NCOR2: variants seen among roughly 807,000 people sequenced by gnomAD.
The protein encoded by NCOR2 is nuclear receptor corepressor 2, also known as CTG repeat protein 26.
NCOR2 carries 81 observed loss-of-function variants against 262.9 expected under a neutral mutation model. The ratio of observed to expected loss-of-function variants is 0.31; its 90% CI spans 0.26 to 0.37. NCOR2 has a LOEUF of 0.37. NCOR2 is among the 10% of genes least tolerant of loss of function. The pLI is 1.00. For missense variants in NCOR2, 3,385 were observed against 3,621.4 expected (o/e 0.93, Z 1.68); for synonymous variants, 1,659 against 1,559.3 (o/e 1.06, Z -1.51).
intron 40 of NCOR2, chr12:124,334,866 C>T: frequency 3.2e-6 from 2 of 615,884 alleles, no homozygotes; most frequent in Non-Finnish European, 5.7e-6. Flanking sequence ...ACTGAGAAAC[C>T]TGGGCCACCA....
chr12:124,477,805 C>T (rs2047187017), intron 3 of NCOR2, among the ~76,000 whole-genome samples: 1 of 151,412 alleles, frequency 6.6e-6, no homozygotes, highest in Non-Finnish European at 1.5e-5. Flanking sequence ...CAAACTAATA[C>T]ACCCCGCACA....
At chr12:124,478,812 G>C (rs2047241548) in intron 3 of NCOR2, among the ~76,000 whole-genome samples, 1 of 152,058 alleles carries the variant, frequency 6.6e-6, no homozygotes, top group Non-Finnish European at 1.5e-5. Flanking sequence ...CGTGGTGACA[G>C]ACACACACAA....
intron 21 of NCOR2, among the ~76,000 whole-genome samples, chr12:124,362,616 G>A (rs2038686282): frequency 6.6e-6 from 1 of 151,940 alleles, no homozygotes. Context: ...GTGATGGACA[G>A]GGGGAGCCCA....
At chr12:124,564,418 A>T (rs1283471241) in intron 1 of NCOR2, among the ~76,000 whole-genome samples, 6 of 152,156 alleles carry the variant, frequency 3.9e-5, no homozygotes, top group Non-Finnish European at 7.4e-5. Flanking sequence ...CCCCAGTCTC[A>T]AAAGTGTCAC....
chr12:124,517,166 G>C lies in NCOR2; in HGVS notation c.-118+18399C>G, dbSNP rs1003654471. On this transcript the variant is annotated intron_variant, in intron 1 of 46. Transcript: ENST00000404621. This position sits in a 1 kb window ranked among gnomAD's most constrained non-coding sequence, Gnocchi z 7.6. ...GAGGTCTGCAAAGGGGAGGCAACAC[G>C]CCCAAGGTCACACAGCATAGAGAGG... Among the ~76,000 whole-genome samples, 2 of 152,108 alleles carry C rather than the reference G, an allele frequency of 1.3e-5. No individual in the cohort carries two copies. Among genetic ancestry groups the C allele is most frequent in the African/African-American group, 4.8e-5 (2 of 41,412 alleles).
exon 47 of NCOR2, chr12:124,325,388 C>CCG (rs1555297214): frequency 7.1e-5 from 49 of 693,294 alleles, no homozygotes; most frequent in Non-Finnish European, 8.8e-5. Flanking sequence ...CCCCCCCCCC[C>CCG]GCCCTGTTCT....
intron 37 of NCOR2, 102 bp downstream of exon 39, chr12:124,339,904 C>CCCCCCCCATAT: frequency 2.7e-5 from 21 of 776,818 alleles, no homozygotes; most frequent in Middle Eastern, 4.0e-4. Context: ...CCCACCCACC[C>CCCCCCCCATAT]ACCTCCCATA....
intron 1 of NCOR2, among the ~76,000 whole-genome samples, chr12:124,491,119 C>T (rs2048059983): frequency 6.6e-6 from 1 of 152,192 alleles, no homozygotes; most frequent in Non-Finnish European, 1.5e-5. Context: ...CCATACGGGC[C>T]GCGAAGGGCG....
exon 10 of NCOR2, chr12:124,429,636 T>C (rs1329209107): frequency 1.2e-6 from 2 of 1,608,700 alleles, no homozygotes; most frequent in Non-Finnish European, 1.7e-6. Flanking sequence ...AGGCCATCGA[T>C]GATCTCTGAC....
chr12:124,491,155 T>C (rs2048062692), intron 1 of NCOR2, among the ~76,000 whole-genome samples: 1 of 98,082 alleles, frequency 1.0e-5, no homozygotes, highest in South Asian at 4.2e-4. Flanking sequence ...AAGCCTGAAA[T>C]ATTTACAGAG....
chr12:124,404,587 CCAT>C (rs1218248552), intron 13 of NCOR2, among the ~76,000 whole-genome samples: 1 of 152,214 alleles, frequency 6.6e-6, no homozygotes, highest in Non-Finnish European at 1.5e-5. Context: ...AGCTCCACAC[CCAT>C]CAGGCCGCAG....
chr12:124,401,175 CACTCCAGCCTGGGTG>C, intron 14 of NCOR2, among the ~76,000 whole-genome samples: 1 of 150,574 alleles, frequency 6.6e-6, no homozygotes, highest in East Asian at 1.9e-4. Flanking sequence ...TATACCACTG[CACTCCAGCCTGGGTG>C]ACAGAACAAG....
chr12:124,451,687 T>A (rs979874596), intron 6 of NCOR2, among the ~76,000 whole-genome samples: 2 of 151,634 alleles, frequency 1.3e-5, no homozygotes, highest in African/African-American at 4.9e-5. Context: ...AGGTACAGAG[T>A]GTGAGTGATC....
At chr12:124,499,049 A>G (rs2048535069), upstream of NCOR2, among the ~76,000 whole-genome samples, 1 of 152,230 alleles carries the variant, frequency 6.6e-6, no homozygotes, top group African/African-American at 2.4e-5. Context: ...AGGTTTTGAA[A>G]CTTGATAGAG....
chr12:124,458,054 T>C (rs114705144), intron 5 of NCOR2, among the ~76,000 whole-genome samples: 8,691 of 152,234 alleles, frequency 0.057, 531 homozygotes, highest in African/African-American at 0.15. Context: ...GGCAAATGGG[T>C]GTTCACAGGC....
At chr12:124,361,365 G>C (rs2038581180) in intron 22 of NCOR2, among the ~76,000 whole-genome samples, 1 of 152,260 alleles carries the variant, frequency 6.6e-6, no homozygotes, top group African/African-American at 2.4e-5. Flanking sequence ...AGCACCTGCT[G>C]CGTGCCAGGC....
chr12:124,462,643 G>C (rs1315386393), intron 5 of NCOR2, among the ~76,000 whole-genome samples: 2 of 152,236 alleles, frequency 1.3e-5, no homozygotes, highest in East Asian at 3.9e-4. Context: ...CCTGGCCCAG[G>C]ATGCTGAGGC....
intron 22 of NCOR2, among the ~76,000 whole-genome samples, chr12:124,361,495 T>C (rs1238587001): frequency 1.3e-5 from 2 of 152,254 alleles, no homozygotes; most frequent in Non-Finnish European, 2.9e-5. Context: ...TCTCCTGACC[T>C]TGAGCTTCAC....
intron 20 of NCOR2, among the ~76,000 whole-genome samples, chr12:124,367,282 A>C (rs1230071057): frequency 8.7e-6 from 1 of 114,468 alleles, no homozygotes; most frequent in African/African-American, 3.6e-5. Flanking sequence ...GGGGGCACAC[A>C]CAGAGGCCCA....
Sources: gnomAD v4.1 joint callset for allele counts (sites outside exome capture counted in the v4.1 genomes callset) on GRCh38, gnomAD v4.1.1 for gene constraint, Gnocchi (gnomAD v3.1) non-coding constraint, MANE v1.5 for transcripts, NCBI Gene and HGNC (gene_info 2026-07-23, HGNC 2026-07-21) for gene names.